Variants in CNTNAP5 observed in about 807,000 individuals in gnomAD.
CNTNAP5 encodes the protein contactin associated protein family member 5.
A neutral mutation model predicts 150.2 loss-of-function variants in CNTNAP5; 72 were observed. The observed-to-expected ratio is 0.48, with a 90% CI of 0.40 to 0.58. The LOEUF (loss-of-function observed/expected upper bound fraction) is 0.58. Ranked by LOEUF, CNTNAP5 falls within the 20% of genes least tolerant of loss-of-function variation. CNTNAP5 has a pLI of 0.00. For missense variants in CNTNAP5, 1,636 were observed against 1,626.2 expected (o/e 1.01, Z -0.10); for synonymous variants, 672 against 619.8 (o/e 1.08, Z -1.25).
chr2:124,914,014 C>T, intron 23 of CNTNAP5, 78 bp from the exon 24 acceptor site: 1 of 1,038,028 alleles, frequency 9.6e-7, no homozygotes, highest in Non-Finnish European at 1.4e-6. Flanking sequence ...GCATTCCCCT[C>T]ATCTGGAGGG....
chr2:124,521,038 G>T (rs993234729), intron 8 of CNTNAP5, among the ~76,000 whole-genome samples: 1 of 152,172 alleles, frequency 6.6e-6, no homozygotes, highest in Non-Finnish European at 1.5e-5. Context: ...CACTTGCCTT[G>T]AAACCCATGC....
intron 6 of CNTNAP5, among the ~76,000 whole-genome samples, chr2:124,461,115 G>T (rs1047618728): frequency 1.3e-5 from 2 of 152,050 alleles, no homozygotes; most frequent in Non-Finnish European, 1.5e-5. Flanking sequence ...GGAAGTCAGT[G>T]TGGCGATTCC....
At chr2:124,660,352 A>C (rs1678560916) in intron 13 of CNTNAP5, among the ~76,000 whole-genome samples, 1 of 152,118 alleles carries the variant, frequency 6.6e-6, no homozygotes, top group Non-Finnish European at 1.5e-5. Context: ...AGACACTAAC[A>C]CTTAGATGAA....
At chr2:124,640,499 C>T (rs1055719107) in intron 12 of CNTNAP5, among the ~76,000 whole-genome samples, 3 of 152,106 alleles carry the variant, frequency 2.0e-5, no homozygotes, top group Admixed American at 2.0e-4. Context: ...ACAGCTGAAA[C>T]CCAGACACTA....
intron 1 of CNTNAP5, among the ~76,000 whole-genome samples, chr2:124,132,175 A>G (rs958276230): frequency 3.3e-5 from 5 of 152,096 alleles, no homozygotes; most frequent in African/African-American, 1.2e-4. Context: ...TTCAGACTAC[A>G]CTTGAGTGGA....
At chr2:124,501,075 A>G (rs1050455530) in intron 7 of CNTNAP5, among the ~76,000 whole-genome samples, 2 of 152,184 alleles carry the variant, frequency 1.3e-5, no homozygotes, top group African/African-American at 4.8e-5. Context: ...TAGGGAGGAA[A>G]AAAAGGACCC....
chr2:124,192,611 C>A (rs1442228986), intron 1 of CNTNAP5, among the ~76,000 whole-genome samples: 1 of 152,174 alleles, frequency 6.6e-6, no homozygotes, highest in Non-Finnish European at 1.5e-5. Context: ...CACCTCTCAG[C>A]TTCTGCATCC....
At position 124,763,700 on chromosome 2, in the gene CNTNAP5, A is replaced by G. The variant is rs1168276506; in HGVS notation, c.2263A>G (p.Lys755Glu). 6.2e-7 allele frequency: 1 copy of G among 1,612,726 alleles called. No individual in the cohort carries two copies. The highest frequency in any genetic ancestry group is 1.1e-5 in the South Asian group (1 of 90,980). The stretch of plus-strand genomic sequence containing the variant: ...AAATGATACTGGCTTTCTTTCCTTC[A>G]AAGACCACTTGCCTGTCACTCAGAT... ...WTNDTGFLSF[K>E]DHLPVTQIVI... Residue 755 changes from lysine (K) to glutamate (E), a missense_variant, in exon 15 of 24, where the codon AAA (lysine) becomes GAA (glutamate). Physicochemically the swap from Lys to Glu is moderately conservative, Grantham distance 56. Coordinates refer to ENST00000682447, the MANE Select transcript of CNTNAP5 (RefSeq NM_001367498.1).
intron 19 of CNTNAP5, among the ~76,000 whole-genome samples, chr2:124,820,468 G>A (rs1342983900): frequency 1.4e-5 from 2 of 148,082 alleles, no homozygotes; most frequent in Non-Finnish European, 3.0e-5. Context: ...GGAAAGGAAG[G>A]GGAAAAAAAA....
rs768017057 is a variant in CNTNAP5 at position 124,221,797 on chromosome 2, A to G, written c.175A>G (p.Asn59Asp). The G allele has an allele frequency of 1.9e-6, 3 of 1,604,210 alleles. No individual in the cohort carries two copies. The East Asian group carries it at 6.7e-5, about 36-fold the overall frequency. Residue 59 changes from asparagine to aspartate, a missense_variant, in exon 2 of 24, where the codon AAC (asparagine) becomes GAC (aspartate). By Grantham distance (23) the Asn-to-Asp change is conservative. Transcript: ENST00000682447. The part of the protein sequence containing the change: ...LTGTHSPAQL[N>D]WRVGTGGWSP... Reference sequence around the variant, plus strand: ...TGGCACTCACAGCCCAGCTCAACTCAACTGGAGAGTTGGTAAGTAGGCTGA... The same window carrying G: ...TGGCACTCACAGCCCAGCTCAACTCGACTGGAGAGTTGGTAAGTAGGCTGA...
chr2:124,358,633 C>G (rs1412930264), intron 3 of CNTNAP5, among the ~76,000 whole-genome samples: 6 of 152,188 alleles, frequency 3.9e-5, no homozygotes, highest in African/African-American at 9.6e-5. Context: ...TTGAACCAGC[C>G]TTGCATCCCA....
chr2:124,905,657 G>T (rs1412462280), intron 22 of CNTNAP5, among the ~76,000 whole-genome samples: 1 of 152,096 alleles, frequency 6.6e-6, no homozygotes, highest in Non-Finnish European at 1.5e-5. Context: ...TCAAGAAAAA[G>T]AGATACATTC....
At chr2:124,205,691 C>T (rs570674761) in intron 1 of CNTNAP5, among the ~76,000 whole-genome samples, 11 of 152,322 alleles carry the variant, frequency 7.2e-5, no homozygotes, top group African/African-American at 2.4e-4. Context: ...CGTAAGCCAC[C>T]ATACCCGGCC....
intron 3 of CNTNAP5, among the ~76,000 whole-genome samples, chr2:124,414,174 T>C (rs1691857146): frequency 6.6e-6 from 1 of 151,838 alleles, no homozygotes; most frequent in African/African-American, 2.4e-5. Flanking sequence ...TGTTCACATG[T>C]TACATTCAAC....
chr2:124,105,035 C>A (rs566147635), intron 1 of CNTNAP5, among the ~76,000 whole-genome samples: 14,060 of 152,066 alleles, frequency 0.092, 775 homozygotes, highest in Non-Finnish European at 0.13. Flanking sequence ...CAGAGCTGCT[C>A]TACACATATA....
At chr2:124,507,625 A>C (rs984599226) in intron 8 of CNTNAP5, among the ~76,000 whole-genome samples, 3 of 152,090 alleles carry the variant, frequency 2.0e-5, no homozygotes, top group African/African-American at 7.2e-5. Context: ...ATAAATGACA[A>C]ATGTTTTTTT....
intron 22 of CNTNAP5, among the ~76,000 whole-genome samples, chr2:124,910,750 A>G (rs1486396750): frequency 6.6e-6 from 1 of 152,048 alleles, no homozygotes; most frequent in East Asian, 1.9e-4. Context: ...ATCAAATGAT[A>G]CAACAATAAT....
chr2:124,444,324 G>C (rs1023185900), intron 5 of CNTNAP5, among the ~76,000 whole-genome samples: 1 of 152,178 alleles, frequency 6.6e-6, no homozygotes, highest in African/African-American at 2.4e-5. Context: ...GCCGGGCGCA[G>C]TGGCTCACAC....
At chr2:124,409,751 C>G (rs1029624539) in intron 3 of CNTNAP5, among the ~76,000 whole-genome samples, 1 of 150,988 alleles carries the variant, frequency 6.6e-6, no homozygotes, top group Non-Finnish European at 1.5e-5. Flanking sequence ...AAGGAACAAC[C>G]GGTACCAGCC....
Sources: gnomAD v4.1 joint callset for allele counts (sites outside exome capture counted in the v4.1 genomes callset) on GRCh38, gnomAD v4.1.1 for gene constraint, MANE v1.5 for transcripts, NCBI Gene and HGNC (gene_info 2026-07-23, HGNC 2026-07-21) for gene names.